PHACTR2: variants seen among roughly 807,000 people sequenced by gnomAD.
PHACTR2 encodes the protein chromosome 6 open reading frame 56.
Under a neutral mutation model 76.0 loss-of-function variants are expected in PHACTR2, and 30 were observed. That is an observed-to-expected ratio of 0.39 (90% CI 0.30 to 0.54). The LOEUF (loss-of-function observed/expected upper bound fraction) is 0.54. Ranked by LOEUF, PHACTR2 falls within the 20% of genes least tolerant of loss-of-function variation. The probability of loss-of-function intolerance (pLI) is 0.61; values close to 1 mark genes in which losing one functional copy is unlikely to be tolerated. For missense variants in PHACTR2, 696 were observed against 781.1 expected (o/e 0.89, Z 1.30); for synonymous variants, 292 against 292.5 (o/e 1.00, Z 0.02).
chr6:143,616,872 G>A lies in PHACTR2; in HGVS notation c.13+8550G>A, dbSNP rs79690551. The stretch of plus-strand genomic sequence containing the variant: ...GCCACGTGAGAGCCAGGGTAAAAAT[G>A]TGTCAAGCTGAGTGGCCGGCAAACA... On this transcript the variant is annotated intron_variant, in intron 1 of 11. Coordinates refer to the PHACTR2 transcript ENST00000305766. This position sits in a 1 kb window ranked among gnomAD's most constrained non-coding sequence, Gnocchi z 4.9. 0.021 allele frequency among the ~76,000 whole-genome samples: 3,177 copies of A among 152,204 alleles called. 94 individuals carry two copies. Among genetic ancestry groups the A allele is most frequent in the African/African-American group, 0.072 (2,980 of 41,512 alleles).
intron 1 of PHACTR2, among the ~76,000 whole-genome samples, chr6:143,542,812 C>T (rs1189905129): frequency 1.3e-5 from 2 of 152,118 alleles, no homozygotes; most frequent in African/African-American, 4.8e-5. Flanking sequence ...GATCATATGC[C>T]CCATAGGTGC....
rs556570750 is a variant in PHACTR2, at chr6:143,755,708, G to T, written c.454+1796G>T. ...TGACATACCACTAAAGAGGCAGTGCGGCTGTCTCCTGTGTGGAAAGTGCAC... is the reference window on the plus strand; with the variant it reads ...TGACATACCACTAAAGAGGCAGTGCTGCTGTCTCCTGTGTGGAAAGTGCAC... On this transcript the variant is annotated intron_variant, in intron 4 of 12. Coordinates refer to ENST00000440869, the MANE Select transcript of PHACTR2 (RefSeq NM_001100164.2). The surrounding 1 kb of genome is among the most constrained non-coding windows in gnomAD (Gnocchi z 5.2). Among the ~76,000 whole-genome samples, 1 of 152,222 alleles carries T rather than the reference G, an allele frequency of 6.6e-6. No individual in the cohort carries two copies. The highest frequency in any genetic ancestry group is 6.5e-5 in the Admixed American group (1 of 15,286).
intron 4 of PHACTR2, among the ~76,000 whole-genome samples, chr6:143,756,616 G>A (rs1648575316): frequency 6.6e-6 from 1 of 151,000 alleles, no homozygotes; most frequent in Non-Finnish European, 1.5e-5. Context: ...GGAGAATGGC[G>A]TGAACCCGGG....
Position 143,537,284 on chromosome 6 carries a change from G to A in PHACTR2, c.217+77G>A, listed in dbSNP as rs1227922507. ...CCGCGAGGGCGACGCGGCCAACCCG[G>A]GGCGCCCGCGGGCACTGGCCCGGCA... On this transcript the variant is annotated intron_variant, in intron 1 of 11. Transcript: ENST00000367584. The surrounding 1 kb of genome is among the most constrained non-coding windows in gnomAD (Gnocchi z 4.4). The A allele has an allele frequency of 4.1e-5, 7 of 170,334 alleles. No individual in the cohort carries two copies. The Admixed American group carries it at 4.4e-4, about 11-fold the overall frequency. The allele number at this position is 170,334 out of a possible 1,614,324, so 10.6% of individuals were successfully genotyped here.
chr6:143,740,554 A>G (rs1778919737), intron 2 of PHACTR2, among the ~76,000 whole-genome samples: 1 of 149,974 alleles, frequency 6.7e-6, no homozygotes, highest in Admixed American at 6.7e-5. Context: ...TTGTTCAAGT[A>G]TGTCTGGAAG....
chr6:143,702,737 A>G (rs1450259765), intron 1 of PHACTR2, among the ~76,000 whole-genome samples: 1 of 143,506 alleles, frequency 7.0e-6, no homozygotes, highest in Non-Finnish European at 1.5e-5. Context: ...AGAACTACTG[A>G]GTGCTCTAAT....
Position 143,823,552 on chromosome 6 carries a change from A to G in PHACTR2, c.1923-122A>G, listed in dbSNP as rs1776471206. The G allele has an allele frequency of 1.5e-6, 1 of 668,414 alleles. No homozygotes were observed. The highest frequency in any genetic ancestry group is 1.9e-5 in the South Asian group (1 of 53,166). The allele number at this position is 668,414 out of a possible 1,614,324, so 41.4% of individuals were successfully genotyped here. On this transcript the variant is annotated intron_variant, in intron 12 of 12. Transcript: ENST00000440869. This position sits in a 1 kb window ranked among gnomAD's most constrained non-coding sequence, Gnocchi z 5.7. ...GTTATGACAGAAATTTGTAAACAGT[A>G]ATTCAGTTGGGGGATATCTGGGGTA... is the stretch of plus-strand genomic sequence containing the variant.
rs1014929437 is a variant in PHACTR2, at chr6:143,646,137, A to G, written c.13+37815A>G. Among the ~76,000 whole-genome samples the G allele has an allele frequency of 8.5e-5, 13 of 152,294 alleles. No homozygotes were observed. Among genetic ancestry groups the G allele is most frequent in the African/African-American group, 2.9e-4 (12 of 41,556 alleles). On this transcript the variant is annotated intron_variant, in intron 1 of 11. Transcript: ENST00000305766. This position sits in a 1 kb window ranked among gnomAD's most constrained non-coding sequence, Gnocchi z 4.1. ...TCTCCAGTCCTTAAACAGGCATTCA[A>G]TGAGCATCTCTTATGTCTGAGGTCA... is the stretch of plus-strand genomic sequence containing the variant.
At chr6:143,673,989 T>C (rs1777199622), upstream of PHACTR2, among the ~76,000 whole-genome samples, 2 of 152,206 alleles carry the variant, frequency 1.3e-5, no homozygotes, top group African/African-American at 4.8e-5. Context: ...AATGTGGTCT[T>C]CTACTGATGC....
intron 1 of PHACTR2, among the ~76,000 whole-genome samples, chr6:143,601,632 G>C (rs1268518199): frequency 6.6e-6 from 1 of 152,222 alleles, no homozygotes; most frequent in Admixed American, 6.5e-5. Context: ...CTTTCACGGA[G>C]ATAGGCTTTT....
intron 2 of PHACTR2, among the ~76,000 whole-genome samples, chr6:143,728,985 T>G (rs1194342768): frequency 5.3e-5 from 8 of 152,046 alleles, no homozygotes; most frequent in Non-Finnish European, 8.8e-5. Flanking sequence ...AAGCACAAAT[T>G]TGACTATATT....
Position 143,672,054 on chromosome 6 carries a change from C to G in PHACTR2, c.14-39962C>G, listed in dbSNP as rs940145752. ...ACATGGAAAGCAGGTTGGCAGTTCC[C>G]TAATGCCAAGGGTGGTACAGGGATG... On this transcript the variant is annotated intron_variant, in intron 1 of 11. Coordinates refer to the PHACTR2 transcript ENST00000305766. The surrounding 1 kb of genome is among the most constrained non-coding windows in gnomAD (Gnocchi z 5.8). Among the ~76,000 whole-genome samples the G allele has an allele frequency of 6.6e-6, 1 of 152,156 alleles. No individual in the cohort carries two copies. Among genetic ancestry groups the G allele is most frequent in the Non-Finnish European group, 1.5e-5 (1 of 68,016 alleles).
At position 143,830,531 on chromosome 6, in the gene PHACTR2, T is replaced by C. The variant is rs1776645469; in HGVS notation, c.*6842T>C. On this transcript the variant is annotated 3_prime_UTR_variant, in exon 13 of 13. Transcript: ENST00000440869. ...CAGTTTCTCTTTTGTTGTTCTTATC[T>C]GTACTGTATTATAGTATGTGGGTAT... 6.6e-6 allele frequency: 1 copy of C among 152,204 alleles called. No individual in the cohort carries two copies. Among genetic ancestry groups the C allele is most frequent in the African/African-American group, 2.4e-5 (1 of 41,460 alleles). 9.4% of individuals were successfully genotyped at this position (152,204 alleles called of 1,614,324 possible).
In PHACTR2 at chr6:143,680,532, A is replaced by G. The variant is rs1457993644; in HGVS notation, c.46+2323A>G. Reference sequence around the variant, plus strand: ...AAGTTAGCTTGCTTTCCCCGTTTTGACTTTAGGCTCTCTAGAGCCTTTCAG... The same window carrying G: ...AAGTTAGCTTGCTTTCCCCGTTTTGGCTTTAGGCTCTCTAGAGCCTTTCAG... On this transcript the variant is annotated intron_variant, in intron 1 of 12. Transcript: ENST00000440869. The surrounding 1 kb of genome is among the most constrained non-coding windows in gnomAD (Gnocchi z 4.5). Among the ~76,000 whole-genome samples, 1 of 152,170 alleles carries G rather than the reference A, an allele frequency of 6.6e-6. No homozygotes were observed. Among genetic ancestry groups the G allele is most frequent in the Non-Finnish European group, 1.5e-5 (1 of 68,022 alleles).
chr6:143,719,491 A>G (rs1402660773), intron 2 of PHACTR2, among the ~76,000 whole-genome samples: 1 of 149,668 alleles, frequency 6.7e-6, no homozygotes, highest in Non-Finnish European at 1.5e-5. Context: ...CTGGGATTAT[A>G]GGCATGCACC....
intron 1 of PHACTR2, among the ~76,000 whole-genome samples, chr6:143,643,449 T>C (rs1335038393): frequency 6.6e-6 from 1 of 152,230 alleles, no homozygotes; most frequent in Admixed American, 6.5e-5. Flanking sequence ...TGGAATTCAG[T>C]AAATTTTAGT....
rs948977996 is a variant in PHACTR2, at chr6:143,700,584, A to G, written c.47-11432A>G. 6.6e-6 allele frequency among the ~76,000 whole-genome samples: 1 copy of G among 152,200 alleles called. No homozygotes were observed. The highest frequency in any genetic ancestry group is 1.5e-5 in the Non-Finnish European group (1 of 68,024). Reference sequence around the variant, plus strand: ...GGCAGTGGGGAGGGGGGGCGAGAGGAGAACTGTGATATTTCAGTATATTTT... The same window carrying G: ...GGCAGTGGGGAGGGGGGGCGAGAGGGGAACTGTGATATTTCAGTATATTTT... On this transcript the variant is annotated intron_variant, in intron 1 of 12. Coordinates refer to ENST00000440869, the MANE Select transcript of PHACTR2 (RefSeq NM_001100164.2). This position sits in a 1 kb window ranked among gnomAD's most constrained non-coding sequence, Gnocchi z 4.1.
chr6:143,560,257 G>A (rs186870308), intron 1 of PHACTR2, among the ~76,000 whole-genome samples: 2 of 152,322 alleles, frequency 1.3e-5, no homozygotes, highest in Admixed American at 1.3e-4. Flanking sequence ...TTGAAGAAAA[G>A]TGTCTTGTAG....
chr6:143,576,492 G>T (rs1488384066), intron 1 of PHACTR2, among the ~76,000 whole-genome samples: 1 of 152,120 alleles, frequency 6.6e-6, no homozygotes, highest in Admixed American at 6.5e-5. Flanking sequence ...TGGCTTCAAG[G>T]GAAAAGTTTA....
Sources: allele counts gnomAD v4.1 joint callset (sites outside exome capture counted in the v4.1 genomes callset), GRCh38; gene constraint gnomAD v4.1.1; non-coding constraint Gnocchi (gnomAD v3.1); transcripts MANE v1.5; gene names NCBI Gene and HGNC (gene_info 2026-07-23, HGNC 2026-07-21).